TTC28: variants seen among roughly 807,000 people sequenced by gnomAD.
TTC28 encodes tetratricopeptide repeat protein 28.
In TTC28, 61 loss-of-function variants were observed where a neutral mutation model predicts 198.0. The ratio of observed to expected loss-of-function variants is 0.31; its 90% confidence interval spans 0.25 to 0.38. The LOEUF (loss-of-function observed/expected upper bound fraction) is 0.38. TTC28 is among the 10% of genes least tolerant of loss of function. The pLI, the probability that TTC28 is intolerant of heterozygous loss-of-function variation, is 1.00. For missense variants in TTC28, 2,678 were observed against 3,164.0 expected (o/e 0.85, Z 3.69); for synonymous variants, 1,171 against 1,297.8 (o/e 0.90, Z 2.10).
At position 28,201,820 on chromosome 22, in the gene TTC28, G is replaced by A. The variant is rs577455659; in HGVS notation, c.934-38221C>T. Among the ~76,000 whole-genome samples the A allele has an allele frequency of 2.6e-4, 40 of 151,102 alleles. 1 individual carries two copies. The highest frequency in any genetic ancestry group is 9.7e-4 in the African/African-American group (40 of 41,196). Reference sequence around the variant, plus strand: ...AGAGATCAGTTAAGAGGCCATTTATGAGGACTAGGTGAAAGAGAGGAATAC... The same window carrying A: ...AGAGATCAGTTAAGAGGCCATTTATAAGGACTAGGTGAAAGAGAGGAATAC... On this transcript the variant is annotated intron_variant, in intron 5 of 22. Coordinates refer to ENST00000397906, the MANE Select transcript of TTC28 (RefSeq NM_001145418.2).
chr22:28,549,269 T>C (rs928971535), intron 2 of TTC28, among the ~76,000 whole-genome samples: 7 of 152,178 alleles, frequency 4.6e-5, no homozygotes, highest in Admixed American at 2.0e-4. Flanking sequence ...CCTCAGGTGA[T>C]CTACCCACCT....
chr22:28,385,375 A>C (rs1043558174), intron 2 of TTC28, among the ~76,000 whole-genome samples: 3 of 150,366 alleles, frequency 2.0e-5, no homozygotes, highest in Non-Finnish European at 4.4e-5. Flanking sequence ...TAGGATTACA[A>C]GGCTTCAGTT....
chr22:28,022,615 G>A (rs144122996), intron 13 of TTC28, among the ~76,000 whole-genome samples: 1 of 152,288 alleles, frequency 6.6e-6, no homozygotes, highest in African/African-American at 2.4e-5. Flanking sequence ...TGCTCTGCTG[G>A]GATCGAGCTA....
At chr22:28,267,983 T>C (rs924115720) in intron 5 of TTC28, among the ~76,000 whole-genome samples, 1 of 152,176 alleles carries the variant, frequency 6.6e-6, no homozygotes, top group Non-Finnish European at 1.5e-5. Context: ...TTACCTTATT[T>C]AAACCTAAAG....
At chr22:28,671,611 G>A (rs1399199561) in intron 1 of TTC28, among the ~76,000 whole-genome samples, 1 of 149,278 alleles carries the variant, frequency 6.7e-6, no homozygotes, top group Non-Finnish European at 1.5e-5. Flanking sequence ...CTCCAGCCTG[G>A]GCGACAGAAC....
intron 6 of TTC28, among the ~76,000 whole-genome samples, chr22:28,162,622 G>C (rs1921341022): frequency 6.6e-6 from 1 of 152,204 alleles, no homozygotes; most frequent in African/African-American, 2.4e-5. Context: ...GAAGAATTGT[G>C]TGATTTAGAG....
At chr22:28,407,714 T>C (rs1260720333) in intron 2 of TTC28, among the ~76,000 whole-genome samples, 2 of 152,262 alleles carry the variant, frequency 1.3e-5, no homozygotes, top group African/African-American at 4.8e-5. Flanking sequence ...TGCAGTATTA[T>C]GGGCTTTGTG....
chr22:28,190,038 T>C (rs1218217814), intron 5 of TTC28, among the ~76,000 whole-genome samples: 1 of 152,158 alleles, frequency 6.6e-6, no homozygotes, highest in South Asian at 2.1e-4. Flanking sequence ...GTATTGTTAT[T>C]CCCCATTTTA....
At position 27,982,821 on chromosome 22, in the gene TTC28, G is replaced by T. The variant is rs896896675; in HGVS notation, c.6846C>A (p.Asp2282Glu). 29 of 1,540,934 alleles carry T rather than the reference G, an allele frequency of 1.9e-5. No individual in the cohort carries two copies. Among genetic ancestry groups the T allele is most frequent in the African/African-American group, 1.8e-4 (13 of 72,740 alleles). Residue 2282 changes from aspartate to glutamate, a missense_variant, in exon 23 of 23, where the codon GAC (aspartate) becomes GAA (glutamate). By Grantham distance (45) the Asp-to-Glu change is conservative. Coordinates refer to ENST00000397906, the MANE Select transcript of TTC28 (RefSeq NM_001145418.2). The surrounding 1 kb of genome is among the most constrained non-coding windows in gnomAD (Gnocchi z 5.2). ...PGCDSQTSQL[D>E]QPLFKLKYPS... ...GGTACTTCAGTTTAAAGAGAGGCTG[G>T]TCCAGCTGGGAAGTCTGTGAGTCGC... is the stretch of plus-strand genomic sequence containing the variant.
intron 6 of TTC28, among the ~76,000 whole-genome samples, chr22:28,122,309 A>T (rs1942808836): frequency 6.6e-6 from 1 of 152,198 alleles, no homozygotes; most frequent in South Asian, 2.1e-4. Context: ...ACTGCAGAGA[A>T]ATTGGTTTTA....
intron 5 of TTC28, among the ~76,000 whole-genome samples, chr22:28,179,450 G>A (rs1391134632): frequency 3.3e-5 from 5 of 152,128 alleles, no homozygotes; most frequent in Non-Finnish European, 5.9e-5. Context: ...ATGAGGCACC[G>A]CGCCTGGCCT....
chr22:28,385,591 A>T (rs1350443789), intron 2 of TTC28, among the ~76,000 whole-genome samples: 1 of 151,868 alleles, frequency 6.6e-6, no homozygotes, highest in Non-Finnish European at 1.5e-5. Context: ...TAAAATATAT[A>T]ATTTTATTAA....
intron 6 of TTC28, among the ~76,000 whole-genome samples, chr22:28,144,626 A>G (rs1943419653): frequency 6.6e-6 from 1 of 152,254 alleles, no homozygotes; most frequent in South Asian, 2.1e-4. Context: ...TCGATGTGTA[A>G]TAACAGCAGT....
intron 12 of TTC28, among the ~76,000 whole-genome samples, chr22:28,044,615 C>T (rs1271405331): frequency 6.6e-6 from 1 of 152,146 alleles, no homozygotes; most frequent in Non-Finnish European, 1.5e-5. Flanking sequence ...CCCCCCAACC[C>T]ACAACAGTCC....
At chr22:28,335,190 C>A (rs1035513404) in intron 2 of TTC28, among the ~76,000 whole-genome samples, 2 of 152,102 alleles carry the variant, frequency 1.3e-5, no homozygotes, top group Admixed American at 1.3e-4. Flanking sequence ...TTTCTGAGGG[C>A]TCTTTTCTGT....
chr22:28,146,047 A>G (rs1943462965), intron 6 of TTC28, among the ~76,000 whole-genome samples: 1 of 152,194 alleles, frequency 6.6e-6, no homozygotes, highest in Non-Finnish European at 1.5e-5. Context: ...TGTTCCTCAC[A>G]GAATGCTACA....
intron 5 of TTC28, among the ~76,000 whole-genome samples, chr22:28,237,036 C>CT (rs1367562128): frequency 1.3e-5 from 2 of 152,100 alleles, no homozygotes; most frequent in Admixed American, 1.3e-4. Context: ...TCCTTTGTTC[C>CT]TTTTTCCCCT....
At chr22:28,219,792 C>A (rs941081711) in intron 5 of TTC28, among the ~76,000 whole-genome samples, 1 of 152,078 alleles carries the variant, frequency 6.6e-6, no homozygotes, top group Non-Finnish European at 1.5e-5. Context: ...TTGAAAAATG[C>A]GTTAGAAAAT....
intron 5 of TTC28, among the ~76,000 whole-genome samples, chr22:28,176,826 G>C (rs774057768): frequency 5.3e-5 from 8 of 152,118 alleles, no homozygotes; most frequent in Non-Finnish European, 7.4e-5. Flanking sequence ...TCAACAAATG[G>C]TGCTAGAACA....
Sources: allele counts gnomAD v4.1 joint callset (sites outside exome capture counted in the v4.1 genomes callset), GRCh38; gene constraint gnomAD v4.1.1; non-coding constraint Gnocchi (gnomAD v3.1); transcripts MANE v1.5; gene names NCBI Gene and HGNC (gene_info 2026-07-23, HGNC 2026-07-21).